RAD51B: variants seen among roughly 807,000 people sequenced by gnomAD.
RAD51B encodes DNA repair protein RAD51 homolog 2.
In RAD51B, 38 loss-of-function variants were observed where a neutral mutation model predicts 42.2. That is an observed-to-expected ratio of 0.90 (90% CI 0.70 to 1.18). RAD51B has a LOEUF of 1.18. Ranked by LOEUF, RAD51B falls within the 50% of genes most tolerant of loss-of-function variation. The pLI is 0.00. For synonymous variants in RAD51B, 154 were observed against 145.2 expected, an observed-to-expected ratio of 1.06 and a Z score of -0.43; for missense variants, 373 against 400.7, an observed-to-expected ratio of 0.93 and a Z score of 0.59.
intron 11 of RAD51B, among the ~76,000 whole-genome samples, chr14:68,681,840 A>G (rs945220117): frequency 6.6e-6 from 1 of 152,132 alleles, no homozygotes; most frequent in East Asian, 1.9e-4. Flanking sequence ...TACTTCTTTA[A>G]TTGTCAAGAA....
intron 8 of RAD51B, among the ~76,000 whole-genome samples, chr14:68,360,241 C>T (rs139870201): frequency 1.3e-5 from 2 of 152,334 alleles, no homozygotes; most frequent in Non-Finnish European, 1.5e-5. Flanking sequence ...CCACCACGTG[C>T]CTCTGCAGCT....
At chr14:68,277,383 A>G (rs1423424515) in intron 7 of RAD51B, among the ~76,000 whole-genome samples, 3 of 152,208 alleles carry the variant, frequency 2.0e-5, no homozygotes, top group Non-Finnish European at 4.4e-5. Context: ...TAGCTTTCTC[A>G]TGGAGGTTAT....
chr14:68,566,217 T>C (rs1889411746), intron 10 of RAD51B, among the ~76,000 whole-genome samples: 1 of 152,236 alleles, frequency 6.6e-6, no homozygotes, highest in South Asian at 2.1e-4. Flanking sequence ...TCTTTACTGC[T>C]CTGTCCTCAG....
chr14:68,343,147 C>T (rs2082605413), intron 8 of RAD51B, among the ~76,000 whole-genome samples: 1 of 152,100 alleles, frequency 6.6e-6, no homozygotes, highest in African/African-American at 2.4e-5. Flanking sequence ...GTGGTAAGCA[C>T]ATTTGAAATT....
At chr14:68,649,693 G>A (rs936113000) in intron 10 of RAD51B, among the ~76,000 whole-genome samples, 1 of 152,220 alleles carries the variant, frequency 6.6e-6, no homozygotes, top group African/African-American at 2.4e-5. Flanking sequence ...GTCCAGTCAT[G>A]TGTGAAGAGG....
chr14:68,376,338 C>G (rs1447935126), intron 8 of RAD51B, among the ~76,000 whole-genome samples: 1 of 152,182 alleles, frequency 6.6e-6, no homozygotes, highest in Non-Finnish European at 1.5e-5. Context: ...ACCCACCACC[C>G]AGCAGTATTT....
chr14:68,057,878 G>T (rs188108453), intron 7 of RAD51B, among the ~76,000 whole-genome samples: 1 of 149,784 alleles, frequency 6.7e-6, no homozygotes, highest in Admixed American at 6.7e-5. Flanking sequence ...TTTTATTGAT[G>T]TATATAAAAA....
chr14:68,502,540 G>A (rs1884997645), intron 10 of RAD51B, among the ~76,000 whole-genome samples: 1 of 152,178 alleles, frequency 6.6e-6, no homozygotes, highest in African/African-American at 2.4e-5. Context: ...GTCCTGAAAA[G>A]AAAAGGGAGG....
chr14:68,076,765 C>T (rs1244312535), intron 7 of RAD51B, among the ~76,000 whole-genome samples: 1 of 152,134 alleles, frequency 6.6e-6, no homozygotes, highest in African/African-American at 2.4e-5. Context: ...GCCACAATTT[C>T]TTGCTTAAAG....
At position 68,521,126 on chromosome 14, in the gene RAD51B, T is replaced by C. The variant is rs1476585; in HGVS notation, c.1036+52876T>C. 5.6e-4 allele frequency among the ~76,000 whole-genome samples: 86 copies of C among 152,264 alleles called. No individual in the cohort carries two copies. In the South Asian group the frequency reaches 0.014, roughly 25 times the overall value. On this transcript the variant is annotated intron_variant, in intron 10 of 10. Transcript: ENST00000487270. Reference sequence around the variant, plus strand: ...CCTGGATGAGGTCATAGGGATGGAATGTCTGAGGAGAGGCAACAGCTGGGG... The same window carrying C: ...CCTGGATGAGGTCATAGGGATGGAACGTCTGAGGAGAGGCAACAGCTGGGG...
chr14:68,094,220 A>G (rs1432845782), intron 7 of RAD51B, among the ~76,000 whole-genome samples: 1 of 152,158 alleles, frequency 6.6e-6, no homozygotes, highest in Non-Finnish European at 1.5e-5. Flanking sequence ...TTAAAATCTT[A>G]TACTTTATAA....
chr14:68,388,043 T>G (rs1336238757), intron 8 of RAD51B, among the ~76,000 whole-genome samples: 1 of 150,170 alleles, frequency 6.7e-6, no homozygotes, highest in Non-Finnish European at 1.5e-5. Context: ...AACTTACATA[T>G]GTGACTTGCA....
intron 7 of RAD51B, among the ~76,000 whole-genome samples, chr14:68,012,136 C>T (rs973601714): frequency 2.6e-5 from 4 of 152,024 alleles, no homozygotes; most frequent in African/African-American, 4.8e-5. Flanking sequence ...ATGGATTCTT[C>T]GGTCTAGATT....
intron 10 of RAD51B, among the ~76,000 whole-genome samples, chr14:68,512,145 T>A (rs1885774819): frequency 6.6e-6 from 1 of 152,184 alleles, no homozygotes; most frequent in Non-Finnish European, 1.5e-5. Context: ...AATATCATTG[T>A]CAGATAAAGG....
intron 7 of RAD51B, among the ~76,000 whole-genome samples, chr14:68,127,409 C>G (rs1022345377): frequency 2.0e-5 from 3 of 152,144 alleles, no homozygotes; most frequent in Non-Finnish European, 2.9e-5. Context: ...GGGGATAGGA[C>G]TAAGTCCTCC....
At chr14:68,476,182 G>C (rs1266107155) in intron 10 of RAD51B, among the ~76,000 whole-genome samples, 1 of 152,142 alleles carries the variant, frequency 6.6e-6, no homozygotes, top group Non-Finnish European at 1.5e-5. Flanking sequence ...GAAGGATAAA[G>C]GGAATAGACT....
At chr14:68,655,623 C>G (rs77530763) in intron 11 of RAD51B, among the ~76,000 whole-genome samples, 4,481 of 152,304 alleles carry the variant, frequency 0.029, 87 homozygotes, top group Middle Eastern at 0.068. Context: ...ACAGCTCTTG[C>G]TCCAGTTACA....
At chr14:68,536,563 T>C (rs1168664405) in intron 10 of RAD51B, among the ~76,000 whole-genome samples, 2 of 152,250 alleles carry the variant, frequency 1.3e-5, no homozygotes. Context: ...GAAGGAACTC[T>C]TAAATTTACT....
chr14:68,340,194 T>A (rs1008194360), intron 8 of RAD51B, among the ~76,000 whole-genome samples: 4 of 152,242 alleles, frequency 2.6e-5, no homozygotes, highest in African/African-American at 9.6e-5. Context: ...TTCCTTTTTT[T>A]ACCATTAAAG....
Sources: allele counts gnomAD v4.1 joint callset (sites outside exome capture counted in the v4.1 genomes callset), GRCh38; gene constraint gnomAD v4.1.1; transcripts MANE v1.5; gene names NCBI Gene and HGNC (gene_info 2026-07-23, HGNC 2026-07-21).